The following TUSC3 variants were observed in gnomAD, a reference collection of about 807,000 sequenced individuals.
TUSC3 encodes dolichyl-diphosphooligosaccharide--protein glycosyltransferase subunit TUSC3.
TUSC3 carries 45 observed loss-of-function variants against 44.8 expected under a neutral mutation model. The observed-to-expected ratio is 1.00, with a 90% CI of 0.79 to 1.29. The LOEUF (loss-of-function observed/expected upper bound fraction) is 1.29, where lower values mean the gene tolerates loss of function less well. Ranked by LOEUF, TUSC3 falls within the 50% of genes most tolerant of loss-of-function variation. TUSC3 has a pLI of 0.00. For synonymous variants in TUSC3, 212 were observed against 152.9 expected (o/e 1.39, Z -2.85); for missense variants, 519 against 437.9 (o/e 1.19, Z -1.65).
chr8:15,573,186 CTCTCTCTCTCTCTCTCTATATATA>C (rs1585114565), intron 1 of TUSC3, among the ~76,000 whole-genome samples: 2 of 90,270 alleles, frequency 2.2e-5, no homozygotes, highest in African/African-American at 9.0e-5. Context: ...CTCTCTCTCT[CTCTCTCTCTCTCTCTCTATATATA>C]TATATATATA....
At chr8:15,743,432 G>C in intron 7 of TUSC3, 106 bp from the exon 8 acceptor site, 1 of 1,088,732 alleles carries the variant, frequency 9.2e-7, no homozygotes, top group Non-Finnish European at 1.4e-6. Context: ...ATTTACCTCT[G>C]TGTGCATTTG....
chr8:15,446,168 G>A lies in TUSC3; in HGVS notation n.91+28863G>A, dbSNP rs971792171. On this transcript the variant is annotated intron_variant and non_coding_transcript_variant, in intron 1 of 5. Coordinates refer to the TUSC3 transcript ENST00000503191. Reference sequence around the variant, plus strand: ...CAGAGGCGCTCCTCACATCCCAGACGGGGCATCGGGGCAGAGGCGCTCCCC... The same window carrying A: ...CAGAGGCGCTCCTCACATCCCAGACAGGGCATCGGGGCAGAGGCGCTCCCC... Among the ~76,000 whole-genome samples, 6 of 151,394 alleles carry A rather than the reference G, an allele frequency of 4.0e-5. No homozygotes were observed. The East Asian group carries it at 5.9e-4, about 15-fold the overall frequency.
exon 2 of TUSC3, chr8:15,483,404 C>A (rs6530872): frequency 0.043 from 7,647 of 179,798 alleles, 671 homozygotes; most frequent in African/African-American, 0.17. Context: ...ACAATGGCAC[C>A]ATCTCGACTC....
At chr8:15,537,218 A>C (rs1159815547), upstream of TUSC3, among the ~76,000 whole-genome samples, 4 of 151,536 alleles carry the variant, frequency 2.6e-5, no homozygotes, top group East Asian at 7.7e-4. Context: ...CCTTAACCTA[A>C]ACATTCCTTT....
chr8:15,615,972 C>T (rs184094824), intron 1 of TUSC3, among the ~76,000 whole-genome samples: 4 of 152,200 alleles, frequency 2.6e-5, no homozygotes, highest in East Asian at 3.9e-4. Flanking sequence ...GCTAGGACCA[C>T]GTGAACACAC....
At chr8:15,785,928 G>C in the TUSC3 span, among the ~76,000 whole-genome samples, 2 of 152,072 alleles carry the variant, frequency 1.3e-5, no homozygotes, top group Middle Eastern at 3.4e-3. Context: ...AAGAAAAAAA[G>C]AATTTCCAAC....
At chr8:15,601,907 T>C (rs1804300658) in intron 1 of TUSC3, among the ~76,000 whole-genome samples, 1 of 84,822 alleles carries the variant, frequency 1.2e-5, no homozygotes, top group African/African-American at 4.6e-5. Flanking sequence ...AATATTGTGG[T>C]TATTTATGTA....
intron 1 of TUSC3, among the ~76,000 whole-genome samples, chr8:15,422,157 A>T (rs551870758): frequency 1.3e-5 from 2 of 152,210 alleles, no homozygotes; most frequent in African/African-American, 4.8e-5. Flanking sequence ...ATTATAATCA[A>T]TGAAAAGTTT....
chr8:15,582,370 T>C (rs1803403761), intron 1 of TUSC3, among the ~76,000 whole-genome samples: 1 of 152,234 alleles, frequency 6.6e-6, no homozygotes, highest in South Asian at 2.1e-4. Context: ...ACTTGAAGGA[T>C]GAGACTTAAA....
intron 2 of TUSC3, among the ~76,000 whole-genome samples, chr8:15,486,332 G>A (rs1046975115): frequency 6.6e-6 from 1 of 152,086 alleles, no homozygotes; most frequent in African/African-American, 2.4e-5. Flanking sequence ...ATTAAAATGT[G>A]GTAACTGAAA....
intron 3 of TUSC3, among the ~76,000 whole-genome samples, chr8:15,658,750 C>G (rs1159464143): frequency 6.6e-6 from 1 of 151,478 alleles, no homozygotes; most frequent in Non-Finnish European, 1.5e-5. Flanking sequence ...TTATTGCTTA[C>G]TGCAAATTAA....
At chr8:15,556,445 A>G (rs190955035) in intron 1 of TUSC3, among the ~76,000 whole-genome samples, 2,670 of 151,544 alleles carry the variant, frequency 0.018, 85 homozygotes, top group African/African-American at 0.061. Flanking sequence ...GCTGTTGTGA[A>G]TAATGCCACA....
intron 1 of TUSC3, among the ~76,000 whole-genome samples, chr8:15,565,412 G>A (rs1245219390): frequency 6.6e-6 from 1 of 152,068 alleles, no homozygotes; most frequent in Non-Finnish European, 1.5e-5. Flanking sequence ...CAATTAACCT[G>A]TTTCTTGGAA....
chr8:15,539,375 C>T (rs1162330163), upstream of TUSC3, among the ~76,000 whole-genome samples: 1 of 52,366 alleles, frequency 1.9e-5, no homozygotes, highest in Admixed American at 2.7e-4. Flanking sequence ...TTTTTTGAGA[C>T]AGAGTCTCAT....
the TUSC3 span, among the ~76,000 whole-genome samples, chr8:15,776,943 A>G: frequency 1.3e-5 from 2 of 149,630 alleles, no homozygotes; most frequent in Non-Finnish European, 3.0e-5. Flanking sequence ...CAAAAAAAAA[A>G]TAATTTAACT....
chr8:15,584,461 C>A (rs1253406631), intron 1 of TUSC3, among the ~76,000 whole-genome samples: 1 of 152,110 alleles, frequency 6.6e-6, no homozygotes, highest in Non-Finnish European at 1.5e-5. Context: ...TCAGGGGAAT[C>A]TAAAGGTAAA....
At chr8:15,821,998 G>C in the TUSC3 span, among the ~76,000 whole-genome samples, 1 of 152,218 alleles carries the variant, frequency 6.6e-6, no homozygotes, top group African/African-American at 2.4e-5. Flanking sequence ...ATTTGATAAG[G>C]CTGGTAGCAC....
At chr8:15,615,026 A>T (rs1804931768) in intron 1 of TUSC3, among the ~76,000 whole-genome samples, 1 of 152,040 alleles carries the variant, frequency 6.6e-6, no homozygotes, top group African/African-American at 2.4e-5. Context: ...GTGAATTAGT[A>T]CAGCCATTAT....
the TUSC3 span, among the ~76,000 whole-genome samples, chr8:15,840,581 G>T: frequency 1.3e-5 from 2 of 152,026 alleles, no homozygotes; most frequent in African/African-American, 4.8e-5. Context: ...AGAGAAAAAA[G>T]GATGGTAGGT....
Sources: gnomAD v4.1 joint callset for allele counts (sites outside exome capture counted in the v4.1 genomes callset) on GRCh38, gnomAD v4.1.1 for gene constraint, MANE v1.5 for transcripts, NCBI Gene and HGNC (gene_info 2026-07-23, HGNC 2026-07-21) for gene names.